The following PTPRD variants were observed in gnomAD, a reference collection of about 807,000 sequenced individuals.
PTPRD encodes the protein protein tyrosine phosphatase receptor type D.
A neutral mutation model predicts 214.5 loss-of-function variants in PTPRD; 34 were observed. That is an observed-to-expected ratio of 0.16 (90% CI 0.12 to 0.21). The LOEUF is 0.21. Among genes scored for constraint, PTPRD ranks in the 10% least tolerant of loss-of-function variants. The pLI, the probability that PTPRD is intolerant of heterozygous loss-of-function variation, is 1.00. For synonymous variants in PTPRD, 1,128 were observed against 845.7 expected, an observed-to-expected ratio of 1.33 and a Z score of -5.79; for missense variants, 2,545 against 2,398.7, an observed-to-expected ratio of 1.06 and a Z score of -1.27.
At chr9:9,865,597 C>A (rs1056567486) in intron 5 of PTPRD, among the ~76,000 whole-genome samples, 7 of 151,972 alleles carry the variant, frequency 4.6e-5, no homozygotes, top group Admixed American at 4.6e-4. Flanking sequence ...TATAAGTCAC[C>A]CAGTTTCAGA....
intron 3 of PTPRD, among the ~76,000 whole-genome samples, 183 bp from the exon 4 acceptor site, chr9:10,033,973 T>C (rs988194064): frequency 2.6e-5 from 4 of 152,116 alleles, no homozygotes; most frequent in African/African-American, 4.8e-5. Context: ...ATTTCTTTGA[T>C]GTAAAGTATT....
chr9:10,150,981 G>T (rs187034600), intron 3 of PTPRD, among the ~76,000 whole-genome samples: 39 of 151,542 alleles, frequency 2.6e-4, no homozygotes, highest in African/African-American at 9.4e-4. Flanking sequence ...ATACTGCATT[G>T]TATGAGGTGA....
At chr9:8,329,517 C>CT (rs1445435369) in intron 44 of PTPRD, among the ~76,000 whole-genome samples, 1 of 152,168 alleles carries the variant, frequency 6.6e-6, no homozygotes, top group African/African-American at 2.4e-5. Flanking sequence ...AGGAGAGAGT[C>CT]TGTCCCTTAT....
intron 5 of PTPRD, among the ~76,000 whole-genome samples, chr9:9,929,231 G>C (rs1049447172): frequency 6.6e-6 from 1 of 152,186 alleles, no homozygotes; most frequent in Admixed American, 6.5e-5. Context: ...ATTATCAAGA[G>C]TAAATTAACA....
Position 9,053,350 on chromosome 9 carries a change from T to C in PTPRD, c.-142-34615A>G, listed in dbSNP as rs974529794. Among the ~76,000 whole-genome samples, 9 of 152,054 alleles carry C rather than the reference T, an allele frequency of 5.9e-5. No homozygotes were observed. In the South Asian group the frequency reaches 1.5e-3, roughly 25 times the overall value. On this transcript the variant is annotated intron_variant, in intron 10 of 45. Transcript: ENST00000381196. ...ATTTTGAATCCTTTTGTTAGTCATA[T>C]GAGTGCTGAAAAATGCTAGTTGTTA...
intron 5 of PTPRD, among the ~76,000 whole-genome samples, chr9:9,867,200 C>T (rs1307303035): frequency 6.6e-6 from 1 of 152,050 alleles, no homozygotes; most frequent in East Asian, 1.9e-4. Flanking sequence ...CCCAAGTCTC[C>T]TGATAAGTTG....
At chr9:9,397,703 C>CT (rs1039846162) in intron 8 of PTPRD, among the ~76,000 whole-genome samples, 35 of 151,984 alleles carry the variant, frequency 2.3e-4, no homozygotes, top group African/African-American at 8.4e-4. Flanking sequence ...ATTCAAAAAT[C>CT]TTTTTTATAG....
chr9:8,435,523 T>A (rs1040645528), intron 35 of PTPRD, among the ~76,000 whole-genome samples: 9 of 152,164 alleles, frequency 5.9e-5, no homozygotes, highest in African/African-American at 9.7e-5. Flanking sequence ...ATTTGGTATA[T>A]CTACAAGATT....
intron 11 of PTPRD, among the ~76,000 whole-genome samples, chr9:8,981,337 G>T (rs770938245): frequency 6.6e-6 from 1 of 151,956 alleles, no homozygotes; most frequent in Non-Finnish European, 1.5e-5. Context: ...ACTAAATAAA[G>T]GATTGTTAAT....
At chr9:8,723,050 A>G (rs2098518649) in intron 12 of PTPRD, among the ~76,000 whole-genome samples, 1 of 152,180 alleles carries the variant, frequency 6.6e-6, no homozygotes, top group South Asian at 2.1e-4. Context: ...AGTTTAATAA[A>G]TAGATGTCCC....
intron 11 of PTPRD, among the ~76,000 whole-genome samples, chr9:8,996,227 A>G (rs183958284): frequency 6.6e-6 from 1 of 152,068 alleles, no homozygotes; most frequent in Non-Finnish European, 1.5e-5. Flanking sequence ...AATTCCTTCA[A>G]CTGGTGAATG....
chr9:8,853,617 A>C (rs1378651820), intron 11 of PTPRD, among the ~76,000 whole-genome samples: 3 of 152,204 alleles, frequency 2.0e-5, no homozygotes, highest in African/African-American at 7.2e-5. Context: ...TGCTTGTTCA[A>C]ATGAAATTTA....
intron 6 of PTPRD, among the ~76,000 whole-genome samples, chr9:9,743,759 C>CACACAG (rs1335622251): frequency 6.8e-6 from 1 of 148,034 alleles, no homozygotes; most frequent in Non-Finnish European, 1.5e-5. Context: ...CACACACACA[C>CACACAG]ACACACACAC....
At chr9:8,373,483 C>A (rs1379345997) in intron 39 of PTPRD, among the ~76,000 whole-genome samples, 2 of 151,912 alleles carry the variant, frequency 1.3e-5, no homozygotes, top group Non-Finnish European at 2.9e-5. Flanking sequence ...TTCTCCAGAG[C>A]CTCAGGCACA....
chr9:8,562,224 C>T (rs1396469528), intron 14 of PTPRD, among the ~76,000 whole-genome samples: 1 of 152,060 alleles, frequency 6.6e-6, no homozygotes, highest in African/African-American at 2.4e-5. Context: ...TGTAAAAGTA[C>T]TGAGGACTCA....
At chr9:8,816,425 T>C (rs1343092500) in intron 11 of PTPRD, among the ~76,000 whole-genome samples, 2 of 152,078 alleles carry the variant, frequency 1.3e-5, no homozygotes, top group Non-Finnish European at 2.9e-5. Context: ...AGACACAAAG[T>C]TGACCCTGAA....
At chr9:8,817,227 C>G (rs1048792369) in intron 11 of PTPRD, among the ~76,000 whole-genome samples, 5 of 152,174 alleles carry the variant, frequency 3.3e-5, no homozygotes, top group South Asian at 2.1e-4. Flanking sequence ...CAGCTATGAG[C>G]AAGAGCTTTA....
intron 44 of PTPRD, among the ~76,000 whole-genome samples, chr9:8,321,487 G>GTATATA (rs750825729): frequency 0.021 from 950 of 44,304 alleles, 20 homozygotes; most frequent in Non-Finnish European, 0.027. Flanking sequence ...GTGTGTGTGT[G>GTATATA]TATATATATA....
At chr9:8,613,183 A>T (rs2095507763) in intron 14 of PTPRD, among the ~76,000 whole-genome samples, 1 of 152,200 alleles carries the variant, frequency 6.6e-6, no homozygotes, top group Non-Finnish European at 1.5e-5. Context: ...AAAGAATGTT[A>T]CTTTTGAATA....
Sources: allele counts gnomAD v4.1 joint callset (sites outside exome capture counted in the v4.1 genomes callset), GRCh38; gene constraint gnomAD v4.1.1; transcripts MANE v1.5; gene names NCBI Gene and HGNC (gene_info 2026-07-23, HGNC 2026-07-21).